Variants in MAP4K3 observed in about 807,000 individuals in gnomAD.
MAP4K3 encodes MAPK/ERK kinase kinase kinase 3.
MAP4K3 carries 94 observed loss-of-function variants against 143.5 expected under a neutral mutation model. That is an observed-to-expected ratio of 0.65 (90% CI 0.55 to 0.78). The LOEUF (loss-of-function observed/expected upper bound fraction) is 0.78, where lower values mean the gene tolerates loss of function less well. Among genes scored for constraint, MAP4K3 ranks in the 30% least tolerant of loss-of-function variants. The pLI is 0.00. For synonymous variants in MAP4K3, 416 were observed against 347.2 expected (o/e 1.20, Z -2.20); for missense variants, 1,077 against 1,068.1 (o/e 1.01, Z -0.12).
chr2:39,327,727 G>C (rs1438286522), intron 8 of MAP4K3, among the ~76,000 whole-genome samples: 1 of 151,612 alleles, frequency 6.6e-6, no homozygotes, highest in Non-Finnish European at 1.5e-5. Context: ...TATAAGAAAA[G>C]CGAATTTCAA....
rs6721731 is a variant in MAP4K3 at position 39,311,315 on chromosome 2, G to A, written c.998-1796C>T. 3.2e-3 allele frequency among the ~76,000 whole-genome samples: 483 copies of A among 152,280 alleles called. 2 individuals are homozygous for A. Among genetic ancestry groups the A allele is most frequent in the African/African-American group, 0.011 (467 of 41,552 alleles). Reference sequence around the variant, plus strand: ...GCTGGTCTGGAACTCCTGACCTCAGGTGATCCGCCCGCCTCGGCCTCCTAA... The same window carrying A: ...GCTGGTCTGGAACTCCTGACCTCAGATGATCCGCCCGCCTCGGCCTCCTAA... On this transcript the variant is annotated intron_variant, in intron 13 of 33. Transcript: ENST00000263881.
chr2:39,307,942 C>A lies in MAP4K3; in HGVS notation c.1119+1G>T. On this transcript the variant is annotated splice_donor_variant, in intron 15 of 33. Coordinates refer to ENST00000263881, the MANE Select transcript of MAP4K3 (RefSeq NM_003618.4). LOFTEE classifies it high-confidence loss of function. ...AAAGAAAATCAGAAGATGAGAAATA[C>A]CAGATTAGATCTTGCAGTGTAGTAT... is the stretch of plus-strand genomic sequence containing the variant. The A allele has an allele frequency of 6.5e-7, 1 of 1,548,436 alleles. No homozygotes were observed. The highest frequency in any genetic ancestry group is 8.7e-7 in the Non-Finnish European group (1 of 1,146,868).
chr2:39,416,292 T>A (rs1667377723), intron 1 of MAP4K3, among the ~76,000 whole-genome samples: 1 of 151,944 alleles, frequency 6.6e-6, no homozygotes, highest in Non-Finnish European at 1.5e-5. Context: ...ACCAAATAGA[T>A]AAGATGTTTC....
At chr2:39,274,762 CT>C (rs372920677) in intron 24 of MAP4K3, among the ~76,000 whole-genome samples, 7 of 152,110 alleles carry the variant, frequency 4.6e-5, no homozygotes, top group South Asian at 2.1e-4. Flanking sequence ...AACAGAATAC[CT>C]GTATCTCATA....
intron 19 of MAP4K3, among the ~76,000 whole-genome samples, chr2:39,289,880 T>C (rs1681958311): frequency 6.6e-6 from 1 of 151,384 alleles, no homozygotes; most frequent in Non-Finnish European, 1.5e-5. Flanking sequence ...AGGTCAGGAG[T>C]TTGAGCCAAG....
At chr2:39,364,905 A>C (rs1308128397) in intron 2 of MAP4K3, among the ~76,000 whole-genome samples, 1 of 150,984 alleles carries the variant, frequency 6.6e-6, no homozygotes, top group Non-Finnish European at 1.5e-5. Context: ...AGCAGAGACC[A>C]AGGTTTTATC....
rs183308833 is a variant in MAP4K3 at position 39,275,383 on chromosome 2, C to T, written c.1795-2841G>A. On this transcript the variant is annotated intron_variant, in intron 24 of 33. Transcript: ENST00000263881. ...TGGCTGTAGTCCCAGCTACTGAGAA[C>T]GCTGAGGTGGGTCACTTGAGCCCAG... 2.7e-3 allele frequency among the ~76,000 whole-genome samples: 404 copies of T among 152,188 alleles called. 3 individuals carry two copies. The South Asian group carries it at 0.035, about 13-fold the overall frequency.
rs751249907 is a variant in MAP4K3 at position 39,356,245 on chromosome 2, A to AT, written c.245+3dup. 5.9e-5 allele frequency: 91 copies of AT among 1,545,968 alleles called. No homozygotes were observed. The highest frequency in any genetic ancestry group is 7.8e-5 in the Non-Finnish European group (88 of 1,129,374). On this transcript the variant is annotated splice_donor_region_variant and intron_variant, in intron 3 of 33. Coordinates refer to ENST00000263881, the MANE Select transcript of MAP4K3 (RefSeq NM_003618.4). The stretch of plus-strand genomic sequence containing the variant: ...GCTTTTCAAAAGGGAAACAAACAGT[A>AT]TACCTGAGATAGCTTCCAAAATAAG...
intron 7 of MAP4K3, 90 bp downstream of exon 7, chr2:39,333,442 G>C: frequency 1.0e-6 from 1 of 954,960 alleles, no homozygotes; most frequent in Non-Finnish European, 1.7e-6. Context: ...CGTCTTAGGA[G>C]AGGGAAAACC....
intron 26 of MAP4K3, among the ~76,000 whole-genome samples, chr2:39,269,905 A>G (rs571694624): frequency 1.3e-5 from 2 of 152,272 alleles, no homozygotes; most frequent in East Asian, 3.9e-4. Context: ...TGCCCCTTTC[A>G]TATACATTGG....
chr2:39,344,721 G>T (rs571062085), intron 3 of MAP4K3, among the ~76,000 whole-genome samples: 103 of 152,202 alleles, frequency 6.8e-4, no homozygotes, highest in African/African-American at 2.4e-3. Flanking sequence ...GAAAATGAAT[G>T]GAAAGTTTTA....
chr2:39,286,319 C>T (rs1681774938), intron 21 of MAP4K3, among the ~76,000 whole-genome samples: 2 of 152,208 alleles, frequency 1.3e-5, no homozygotes, highest in Non-Finnish European at 2.9e-5. Context: ...CGGTAATGCT[C>T]ACTTGCCCAC....
At chr2:39,399,383 G>T (rs971422852) in intron 1 of MAP4K3, among the ~76,000 whole-genome samples, 1 of 152,178 alleles carries the variant, frequency 6.6e-6, no homozygotes, top group Admixed American at 6.5e-5. Flanking sequence ...AAGGTAGTGC[G>T]CAGCAGCCTT....
intron 18 of MAP4K3, among the ~76,000 whole-genome samples, chr2:39,291,799 C>A (rs1248417174): frequency 6.6e-6 from 1 of 152,054 alleles, no homozygotes; most frequent in Admixed American, 6.5e-5. Flanking sequence ...ACTGCTTGAG[C>A]CAGGAGGTCG....
intron 2 of MAP4K3, among the ~76,000 whole-genome samples, chr2:39,376,965 A>G (rs1214370377): frequency 6.6e-6 from 1 of 152,228 alleles, no homozygotes; most frequent in African/African-American, 2.4e-5. Flanking sequence ...TGTTTAGAAT[A>G]TAACGACTAC....
chr2:39,355,729 AAAGT>A (rs1335062449), intron 3 of MAP4K3, among the ~76,000 whole-genome samples: 6 of 152,132 alleles, frequency 3.9e-5, no homozygotes, highest in Non-Finnish European at 8.8e-5. Flanking sequence ...CTACCAAAAC[AAAGT>A]AAGAGAAAGG....
Position 39,250,435 on chromosome 2 carries a change from C to T in MAP4K3, c.*183G>A, listed in dbSNP as rs1680107475. ...CAATGAATTAAGCACTTGTGTGGTT[C>T]AATATGCTAAATATATCCATACCAC... On this transcript the variant is annotated 3_prime_UTR_variant, in exon 34 of 34. Coordinates refer to ENST00000263881, the MANE Select transcript of MAP4K3 (RefSeq NM_003618.4). 3.8e-6 allele frequency: 2 copies of T among 519,870 alleles called. No homozygotes were observed. Among genetic ancestry groups the T allele is most frequent in the African/African-American group, 1.9e-5 (1 of 52,326 alleles). 32.2% of individuals were successfully genotyped at this position (519,870 alleles called of 1,614,324 possible).
At chr2:39,257,237 C>G (rs1680376411) in intron 31 of MAP4K3, among the ~76,000 whole-genome samples, 1 of 152,130 alleles carries the variant, frequency 6.6e-6, no homozygotes, top group Non-Finnish European at 1.5e-5. Flanking sequence ...CCAGCACTAT[C>G]CTACATAAGA....
intron 8 of MAP4K3, among the ~76,000 whole-genome samples, chr2:39,331,653 T>C (rs1239124264): frequency 6.6e-6 from 1 of 152,082 alleles, no homozygotes; most frequent in Non-Finnish European, 1.5e-5. Context: ...AGAGTCAGGA[T>C]TTTCCAGCAA....
Sources: allele counts gnomAD v4.1 joint callset (sites outside exome capture counted in the v4.1 genomes callset), GRCh38; gene constraint gnomAD v4.1.1; transcripts MANE v1.5; gene names NCBI Gene and HGNC (gene_info 2026-07-23, HGNC 2026-07-21).